Variants in TRPM5 observed in about 807,000 individuals in gnomAD.
The protein encoded by TRPM5 is MLSN1 and TRP-related.
Under a neutral mutation model 124.9 loss-of-function variants are expected in TRPM5, and 121 were observed. The ratio of observed to expected loss-of-function variants is 0.97; its 90% CI spans 0.84 to 1.13. The LOEUF (loss-of-function observed/expected upper bound fraction) is 1.13. Ranked by LOEUF, TRPM5 falls within the 50% of genes most tolerant of loss-of-function variation. TRPM5 has a pLI of 0.00. For missense variants in TRPM5, 1,643 were observed against 1,589.1 expected (o/e 1.03, Z -0.58); for synonymous variants, 781 against 700.5 (o/e 1.11, Z -1.81).
At chr11:2,415,570 C>T in intron 8 of TRPM5, 99 bp from the exon 14 acceptor site, 1 of 845,196 alleles carries the variant, frequency 1.2e-6, no homozygotes, top group Non-Finnish European at 1.8e-6. Flanking sequence ...GCATGGGGAT[C>T]CATCCCCAGG....
chr11:2,430,873 T>C, the TRPM5 span, among the ~76,000 whole-genome samples: 1 of 149,434 alleles, frequency 6.7e-6, no homozygotes, highest in Admixed American at 7.3e-5. Flanking sequence ...GTGTTGGTGG[T>C]GGTGGTTTTG....
chr11:2,429,224 T>C, the TRPM5 span, among the ~76,000 whole-genome samples: 1 of 150,876 alleles, frequency 6.6e-6, no homozygotes. The surrounding 1 kb of genome is among the most constrained non-coding windows in gnomAD (Gnocchi z 8.4). Flanking sequence ...GTGATGATCA[T>C]GGTGGTGGTG....
the TRPM5 span, among the ~76,000 whole-genome samples, chr11:2,436,929 C>T: frequency 1.3e-5 from 2 of 152,284 alleles, no homozygotes; most frequent in East Asian, 1.9e-4. Flanking sequence ...GGCACTGGGC[C>T]GAGACCCTGG....
chr11:2,434,689 CTGTG>C, the TRPM5 span, among the ~76,000 whole-genome samples: 1 of 150,068 alleles, frequency 6.7e-6, no homozygotes, highest in South Asian at 2.1e-4. Context: ...TGTAGCTGCA[CTGTG>C]TGTGTGTCTG....
intron 7 of TRPM5, among the ~76,000 whole-genome samples, chr11:2,416,774 C>T (rs1027015094): frequency 6.6e-6 from 1 of 152,210 alleles, no homozygotes; most frequent in Non-Finnish European, 1.5e-5. Flanking sequence ...GTCTGCCTGC[C>T]AGCGTCCAGC....
Position 2,406,083 on chromosome 11 carries a change from A to AATC in TRPM5, c.3259_3260insGAT (p.Asp1086_Phe1087insTer). On this transcript the variant is annotated stop_gained, in exon 22 of 24. Coordinates refer to ENST00000155858, the Ensembl canonical transcript of TRPM5. LOFTEE classifies it high-confidence loss of function. ...CAGACCCCCGAGGTACTTGGCAATG[A>AATC]AGTCCACTCTGCGGCAGGAGCAGGT... is the stretch of plus-strand genomic sequence containing the variant. 6.2e-7 allele frequency: 1 copy of AATC among 1,611,866 alleles called. No individual in the cohort carries two copies. Among genetic ancestry groups the AATC allele is most frequent in the Non-Finnish European group, 8.5e-7 (1 of 1,179,930 alleles).
chr11:2,405,530 G>T (rs143464203), exon 23 of TRPM5: 3 of 1,558,768 alleles, frequency 1.9e-6, no homozygotes, highest in East Asian at 2.4e-5. Flanking sequence ...GGCTTACTCC[G>T]GGGGCCGCCA....
At chr11:2,420,334 G>C (rs1472552635) in exon 4 of TRPM5, 1 of 1,612,690 alleles carries the variant, frequency 6.2e-7, no homozygotes, top group Non-Finnish European at 8.5e-7. Flanking sequence ...AGTGGGAGAG[G>C]TTGCTGTCCA....
chr11:2,419,783 G>T (rs1027370350), intron 4 of TRPM5, among the ~76,000 whole-genome samples: 8 of 152,232 alleles, frequency 5.3e-5, no homozygotes, highest in Non-Finnish European at 1.2e-4. Context: ...TCCAGCTTTT[G>T]AACGTGCGAC....
At position 2,411,627 on chromosome 11, in the gene TRPM5, G is replaced by A. The variant is rs572306011; in HGVS notation, c.2607+8C>T. ...CCAGGGCCAGGGCCAGGGCCCCCGGGGGCTCACCATGCGCTCTACCACGAT... is the reference window on the plus strand; with the variant it reads ...CCAGGGCCAGGGCCAGGGCCCCCGGAGGCTCACCATGCGCTCTACCACGAT... On this transcript the variant is annotated splice_region_variant and intron_variant, in intron 17 of 23. Coordinates refer to ENST00000155858, the Ensembl canonical transcript of TRPM5. The A allele has an allele frequency of 4.3e-6, 7 of 1,611,714 alleles. No homozygotes were observed. The Admixed American group carries it at 1.0e-4, about 23-fold the overall frequency.
chr11:2,423,062 C>T (rs758760094), upstream of TRPM5: 1 of 1,588,246 alleles, frequency 6.3e-7, no homozygotes, highest in Non-Finnish European at 8.6e-7. Context: ...TGCAGGGATA[C>T]CCTGGCCCTT....
the TRPM5 span, among the ~76,000 whole-genome samples, chr11:2,440,406 G>A: frequency 6.6e-6 from 1 of 152,204 alleles, no homozygotes; most frequent in African/African-American, 2.4e-5. This position sits in a 1 kb window ranked among gnomAD's most constrained non-coding sequence, Gnocchi z 5.2. Flanking sequence ...CAGGCATAAG[G>A]ATCCTCTGGA....
At chr11:2,433,127 T>C in the TRPM5 span, among the ~76,000 whole-genome samples, 1 of 152,224 alleles carries the variant, frequency 6.6e-6, no homozygotes. Flanking sequence ...TGCCTGTCCT[T>C]CTACTCTGGG....
chr11:2,412,771 G>C, exon 15 of TRPM5: 1 of 1,601,736 alleles, frequency 6.2e-7, no homozygotes. Context: ...ATTTCCTCCA[G>C]CACCAGCGTA....
chr11:2,444,500 G>A, the TRPM5 span, among the ~76,000 whole-genome samples: 1 of 147,968 alleles, frequency 6.8e-6, no homozygotes, highest in African/African-American at 2.5e-5. Flanking sequence ...AGAAGTGGGG[G>A]CCAAGCAGGT....
chr11:2,425,918 G>T (rs1156672148), upstream of TRPM5, among the ~76,000 whole-genome samples: 1 of 152,200 alleles, frequency 6.6e-6, no homozygotes, highest in Non-Finnish European at 1.5e-5. Context: ...GTCCCTGGTG[G>T]GGAAGCTAAT....
Position 2,405,233 on chromosome 11 carries a change from A to G in TRPM5, c.3392-190T>C, listed in dbSNP as rs181151422. ...CTGCCTGCACTCCTGGGACTAGGAAAGCAGCCCCCTTGAGGCCGAGGGGCC... is the reference window on the plus strand; with the variant it reads ...CTGCCTGCACTCCTGGGACTAGGAAGGCAGCCCCCTTGAGGCCGAGGGGCC... On this transcript the variant is annotated intron_variant, in intron 23 of 23. Transcript: ENST00000155858. 8.3e-4 allele frequency among the ~76,000 whole-genome samples: 126 copies of G among 152,346 alleles called. 1 individual carries two copies. In the East Asian group the frequency reaches 0.014, roughly 17 times the overall value.
At chr11:2,409,040 GC>G (rs1429331726) in intron 18 of TRPM5, among the ~76,000 whole-genome samples, 1 of 152,206 alleles carries the variant, frequency 6.6e-6, no homozygotes, top group Non-Finnish European at 1.5e-5. Context: ...CCAGGTTCCT[GC>G]CTCTGTGCCT....
In TRPM5 at chr11:2,415,110, C is replaced by T; in HGVS notation, c.1479+11G>A. ...AGCCTCGCCCTCCATCCCCACGGAG[C>T]CCCCGCTCACCGCCCTCCTGCGGTC... On this transcript the variant is annotated intron_variant, in intron 9 of 23. Coordinates refer to ENST00000155858, the Ensembl canonical transcript of TRPM5. The T allele has an allele frequency of 3.8e-6, 6 of 1,568,614 alleles. No homozygotes were observed. Among genetic ancestry groups the T allele is most frequent in the East Asian group, 2.3e-5 (1 of 43,008 alleles).
Sources: gnomAD v4.1 joint callset for allele counts (sites outside exome capture counted in the v4.1 genomes callset) on GRCh38, gnomAD v4.1.1 for gene constraint, Gnocchi (gnomAD v3.1) non-coding constraint, MANE v1.5 for transcripts, NCBI Gene and HGNC (gene_info 2026-07-23, HGNC 2026-07-21) for gene names.